The following BTBD8 variants were observed in gnomAD, a reference collection of about 807,000 sequenced individuals.
BTBD8 encodes BTB/POZ domain-containing protein 8.
A neutral mutation model predicts 162.9 loss-of-function variants in BTBD8; 110 were observed. The observed-to-expected ratio is 0.68, with a 90% CI of 0.58 to 0.79. The LOEUF is 0.79. Among genes scored for constraint, BTBD8 ranks in the 30% least tolerant of loss-of-function variants. The probability of loss-of-function intolerance (pLI) is 0.00; values close to 1 mark genes in which losing one functional copy is unlikely to be tolerated. For synonymous variants in BTBD8, 667 were observed against 716.1 expected (o/e 0.93, Z 1.10); for missense variants, 1,905 against 2,085.4 (o/e 0.91, Z 1.68).
intron 4 of BTBD8, chr1:92,115,002 G>A (rs962994542): frequency 1.0e-5 from 3 of 290,808 alleles, no homozygotes; most frequent in South Asian, 3.4e-5. Flanking sequence ...TGCCCTTGAG[G>A]GCCCCCTCTG....
chr1:92,087,058 A>G (rs1648181874), intron 1 of BTBD8, among the ~76,000 whole-genome samples: 1 of 152,212 alleles, frequency 6.6e-6, no homozygotes, highest in African/African-American at 2.4e-5. Flanking sequence ...TGGGCCAATA[A>G]ACTCCTTAAT....
At chr1:92,098,029 GT>G in intron 2 of BTBD8, among the ~76,000 whole-genome samples, 1 of 152,230 alleles carries the variant, frequency 6.6e-6, no homozygotes, top group Admixed American at 6.5e-5. Context: ...CAATGCCCAG[GT>G]TTTTTTAATT....
Position 92,156,941 on chromosome 1 carries a change from A to C in BTBD8, c.1122+9155A>C, listed in dbSNP as rs185699656. Among the ~76,000 whole-genome samples the C allele has an allele frequency of 1.8e-3, 264 of 146,308 alleles. 3 individuals carry two copies. The highest frequency in any genetic ancestry group is 6.1e-3 in the African/African-American group (241 of 39,636). The stretch of plus-strand genomic sequence containing the variant: ...TTCTATCCTCTATTTCTGCTCTAAT[A>C]TTTATTTTTTTTTTTCGTTGGTTTG... On this transcript the variant is annotated intron_variant, in intron 9 of 17. Coordinates refer to ENST00000636805, the MANE Select transcript of BTBD8 (RefSeq NM_001376131.1).
intron 2 of BTBD8, among the ~76,000 whole-genome samples, chr1:92,091,630 TCGCCATTCTC>T (rs918695072): frequency 2.0e-5 from 3 of 151,996 alleles, no homozygotes; most frequent in Admixed American, 2.0e-4. Context: ...CGCCTCCCGG[TCGCCATTCTC>T]CTGCCTCAGC....
At chr1:92,101,480 CA>C (rs775107021) in intron 2 of BTBD8, among the ~76,000 whole-genome samples, 5 of 152,164 alleles carry the variant, frequency 3.3e-5, no homozygotes, top group Non-Finnish European at 5.9e-5. Context: ...CTCCCGCAGG[CA>C]CACTACTCAC....
Position 92,121,918 on chromosome 1 carries a change from G to A in BTBD8, c.663-7769G>A, listed in dbSNP as rs1028730269. ...GCTCCTGGGCTTAAGGGATCCTCCC[G>A]CCTCAGCCTCCCAAGTAGTTGGGAC... On this transcript the variant is annotated intron_variant, in intron 4 of 17. Coordinates refer to ENST00000636805, the MANE Select transcript of BTBD8 (RefSeq NM_001376131.1). 1.1e-4 allele frequency among the ~76,000 whole-genome samples: 17 copies of A among 151,270 alleles called. 1 individual carries two copies. The highest frequency in any genetic ancestry group is 3.9e-4 in the African/African-American group (16 of 41,140).
intron 13 of BTBD8, among the ~76,000 whole-genome samples, chr1:92,174,138 C>T (rs1302346620): frequency 2.0e-5 from 3 of 152,004 alleles, no homozygotes; most frequent in Non-Finnish European, 4.4e-5. Flanking sequence ...TTAGAGCTGG[C>T]TATTAGGTAC....
chr1:92,144,086 G>A (rs1168541580), intron 7 of BTBD8, among the ~76,000 whole-genome samples: 1 of 130,820 alleles, frequency 7.6e-6, no homozygotes, highest in Non-Finnish European at 1.5e-5. Context: ...CGATTCTCCT[G>A]CCTCAGCCTC....
chr1:92,154,008 A>G (rs487443), intron 9 of BTBD8, among the ~76,000 whole-genome samples: 3,923 of 152,222 alleles, frequency 0.026, 74 homozygotes, highest in Non-Finnish European at 0.029. Context: ...CCCCATGGTG[A>G]TGAGTGAGTT....
chr1:92,080,658 G>GC lies in BTBD8; in HGVS notation c.89dup (p.Cys31ValfsTer2), dbSNP rs1317246790. On this transcript the variant is annotated frameshift_variant, in exon 1 of 18. Coordinates refer to ENST00000636805, the MANE Select transcript of BTBD8 (RefSeq NM_001376131.1). LOFTEE classifies it high-confidence loss of function. ...GCAGTAAGGGGTTGCAAAGGAAGGG[G>GC]CCGTGTGAGCGGCGCCGGCTGAAGG... The GC allele has an allele frequency of 1.9e-6, 3 of 1,613,644 alleles. No individual in the cohort carries two copies. The highest frequency in any genetic ancestry group is 2.5e-6 in the Non-Finnish European group (3 of 1,179,812).
chr1:92,126,107 G>C, intron 4 of BTBD8: 1 of 488,898 alleles, frequency 2.0e-6, no homozygotes, highest in Non-Finnish European at 4.1e-6. Context: ...CTCTGGATAA[G>C]TGAAAGCATC....
intron 3 of BTBD8, among the ~76,000 whole-genome samples, 191 bp downstream of exon 3, chr1:92,102,860 A>G (rs943919016): frequency 6.6e-6 from 1 of 152,188 alleles, no homozygotes; most frequent in Non-Finnish European, 1.5e-5. Flanking sequence ...TTATGAATAA[A>G]TCCATACATA....
chr1:92,156,904 A>G (rs1033606792), intron 9 of BTBD8, among the ~76,000 whole-genome samples: 1 of 151,712 alleles, frequency 6.6e-6, no homozygotes, highest in Non-Finnish European at 1.5e-5. Context: ...TGTTATTTTT[A>G]AAAAACTGTT....
At chr1:92,156,563 T>G (rs1650161664) in intron 9 of BTBD8, among the ~76,000 whole-genome samples, 1 of 152,192 alleles carries the variant, frequency 6.6e-6, no homozygotes. Context: ...AATGAAGCTA[T>G]CAGTCCTGGA....
chr1:92,131,678 C>T (rs1158743770), intron 5 of BTBD8, among the ~76,000 whole-genome samples: 8 of 149,686 alleles, frequency 5.3e-5, no homozygotes, highest in Non-Finnish European at 1.2e-4. Context: ...GAGCTGAGAT[C>T]GTGCCACTGC....
chr1:92,153,362 CTTATT>C (rs762745404), intron 9 of BTBD8, among the ~76,000 whole-genome samples: 14 of 152,054 alleles, frequency 9.2e-5, no homozygotes, highest in Non-Finnish European at 1.5e-4. Flanking sequence ...TCATCCTTTA[CTTATT>C]TTATTTTATT....
intron 9 of BTBD8, among the ~76,000 whole-genome samples, chr1:92,162,655 A>G (rs1162307050): frequency 6.6e-6 from 1 of 152,226 alleles, no homozygotes; most frequent in Non-Finnish European, 1.5e-5. Context: ...GCAGAGAGCT[A>G]GAAAATACAC....
intron 4 of BTBD8, chr1:92,115,124 C>T: frequency 4.2e-6 from 2 of 477,302 alleles, no homozygotes; most frequent in Admixed American, 2.4e-5. Flanking sequence ...CGCCATTGAG[C>T]TTCCTGTTCG....
At chr1:92,128,603 A>G (rs576877850) in intron 4 of BTBD8, among the ~76,000 whole-genome samples, 204 of 150,994 alleles carry the variant, frequency 1.4e-3, no homozygotes, top group African/African-American at 4.8e-3. Flanking sequence ...TTTTTTTAGC[A>G]CAGACAGGGT....
Sources: gnomAD v4.1 joint callset for allele counts (sites outside exome capture counted in the v4.1 genomes callset) on GRCh38, gnomAD v4.1.1 for gene constraint, MANE v1.5 for transcripts, NCBI Gene and HGNC (gene_info 2026-07-23, HGNC 2026-07-21) for gene names.